ABCD3: variants seen among roughly 807,000 people sequenced by gnomAD.
The protein encoded by ABCD3 is ATP-binding cassette sub-family D member 3.
Under a neutral mutation model 105.5 loss-of-function variants are expected in ABCD3, and 41 were observed. The observed-to-expected ratio is 0.39, with a 90% CI of 0.30 to 0.50. ABCD3 has a LOEUF of 0.50. Among genes scored for constraint, ABCD3 ranks in the 20% least tolerant of loss-of-function variants. The probability of loss-of-function intolerance (pLI) is 0.84; values close to 1 mark genes in which losing one functional copy is unlikely to be tolerated. For missense variants in ABCD3, 622 were observed against 806.3 expected (o/e 0.77, Z 2.77); for synonymous variants, 258 against 269.0 (o/e 0.96, Z 0.40).
chr1:94,498,515 T>TTAA, intron 16 of ABCD3, 87 bp from the exon 17 acceptor site: 1 of 1,325,668 alleles, frequency 7.5e-7, no homozygotes, highest in Non-Finnish European at 1.1e-6. Flanking sequence ...CCAGGAGCTA[T>TTAA]TAATATTTGA....
intron 20 of ABCD3, among the ~76,000 whole-genome samples, chr1:94,500,737 A>G (rs1445771547): frequency 3.9e-5 from 6 of 152,164 alleles, no homozygotes; most frequent in African/African-American, 1.4e-4. Context: ...TCCCAAAATC[A>G]TACCCACTCT....
chr1:94,483,311 C>T (rs989149972), intron 10 of ABCD3, 72 bp downstream of exon 10: 22 of 1,116,718 alleles, frequency 2.0e-5, no homozygotes, highest in East Asian at 1.2e-4. Flanking sequence ...TGCCTATGGC[C>T]GACACACATA....
rs994035605 is a variant in ABCD3, at chr1:94,458,588, CTCTT to C, written c.111-17_111-14del. On this transcript the variant is annotated splice_polypyrimidine_tract_variant and intron_variant, in intron 1 of 22. Transcript: ENST00000370214. ...TTTCACATAAAGTAAAGCTCTCTCT[CTCTT>C]TTTTTCCTCTGCAGTAAGAAAAGTG... 6.2e-7 allele frequency: 1 copy of C among 1,608,760 alleles called. No homozygotes were observed. The highest frequency in any genetic ancestry group is 8.5e-7 in the Non-Finnish European group (1 of 1,175,438).
At chr1:94,487,002 A>C (rs1341224740) in intron 10 of ABCD3, among the ~76,000 whole-genome samples, 1 of 152,194 alleles carries the variant, frequency 6.6e-6, no homozygotes, top group Non-Finnish European at 1.5e-5. Flanking sequence ...TTGTAGTTTT[A>C]AGACAATGCG....
At chr1:94,468,499 A>G (rs1557675836) in intron 4 of ABCD3, among the ~76,000 whole-genome samples, 2 of 152,214 alleles carry the variant, frequency 1.3e-5, no homozygotes, top group African/African-American at 2.4e-5. Flanking sequence ...GTCTTTCTAC[A>G]TATTATTAAT....
intron 4 of ABCD3, among the ~76,000 whole-genome samples, chr1:94,468,401 C>T (rs976876519): frequency 6.6e-6 from 1 of 152,126 alleles, no homozygotes; most frequent in African/African-American, 2.4e-5. Context: ...CAAAGAATCA[C>T]GTTGAGCATG....
the ABCD3 span, among the ~76,000 whole-genome samples, chr1:94,393,061 G>A: frequency 2.7e-5 from 4 of 150,422 alleles, no homozygotes; most frequent in East Asian, 7.9e-4. Flanking sequence ...GCAGTGAGCC[G>A]AGATCACACC....
intron 1 of ABCD3, among the ~76,000 whole-genome samples, chr1:94,436,088 G>A (rs978359713): frequency 5.3e-5 from 8 of 152,122 alleles, no homozygotes; most frequent in Non-Finnish European, 7.4e-5. Context: ...AGAAGAGGTT[G>A]CTTCCTTTTA....
At chr1:94,504,564 G>A (rs532337254) in intron 20 of ABCD3, among the ~76,000 whole-genome samples, 4 of 152,326 alleles carry the variant, frequency 2.6e-5, no homozygotes, top group Non-Finnish European at 5.9e-5. Context: ...GCTCTAAGGT[G>A]TAAAGCACCT....
At chr1:94,516,335 G>A (rs1650921207) in intron 22 of ABCD3, among the ~76,000 whole-genome samples, 1 of 151,870 alleles carries the variant, frequency 6.6e-6, no homozygotes, top group African/African-American at 2.4e-5. Flanking sequence ...TTTAAAGATA[G>A]CTTTTATTAT....
At chr1:94,458,583 T>C in intron 1 of ABCD3, 24 bp from the exon 2 acceptor site, 2 of 1,605,684 alleles carry the variant, frequency 1.2e-6, no homozygotes, top group Non-Finnish European at 8.5e-7. Context: ...AGTAAAGCTC[T>C]CTCTCTCTTT....
intron 1 of ABCD3, among the ~76,000 whole-genome samples, chr1:94,446,749 A>G (rs1340290869): frequency 6.6e-6 from 1 of 152,202 alleles, no homozygotes; most frequent in Non-Finnish European, 1.5e-5. Flanking sequence ...CTGCGTGGCC[A>G]ATTCAACCTG....
Position 94,515,150 on chromosome 1 carries a change from G to A in ABCD3, c.1850G>A (p.Gly617Asp), listed in dbSNP as rs1403338199. Residue 617 changes from glycine to aspartate, a missense_variant, in exon 22 of 23, where the codon GGC (glycine) becomes GAC (aspartate). Around this residue, in one of 4 missense-constraint regions of ABCD3, gnomAD observed 285 missense variants for 352.5 expected, o/e 0.81. Coordinates refer to ENST00000370214, the MANE Select transcript of ABCD3 (RefSeq NM_002858.4). ...GYIYSHCRKV[G>D]ITLFTVSHRK... ...AAATCATTTTCTTTGTATTAGGTTG[G>A]CATCACTCTCTTCACTGTGTCTCAT... The A allele has an allele frequency of 6.2e-7, 1 of 1,608,506 alleles. No individual in the cohort carries two copies.
At chr1:94,434,193 T>C (rs1023210521) in intron 1 of ABCD3, among the ~76,000 whole-genome samples, 7 of 152,148 alleles carry the variant, frequency 4.6e-5, no homozygotes, top group African/African-American at 1.4e-4. Context: ...AATTTTTTAG[T>C]TTAAAAAAAA....
At chr1:94,457,339 A>T (rs1647626200) in intron 1 of ABCD3, among the ~76,000 whole-genome samples, 1 of 152,192 alleles carries the variant, frequency 6.6e-6, no homozygotes, top group South Asian at 2.1e-4. Flanking sequence ...CGTGCTTTTT[A>T]AAATAAGCGC....
At chr1:94,390,348 G>A in the ABCD3 span, among the ~76,000 whole-genome samples, 1 of 151,948 alleles carries the variant, frequency 6.6e-6, no homozygotes, top group Admixed American at 6.6e-5. Flanking sequence ...TGTCACCCAG[G>A]CTGGAGTATA....
chr1:94,419,352 C>T, intron 1 of ABCD3: 2 of 985,092 alleles, frequency 2.0e-6, no homozygotes, highest in Non-Finnish European at 2.4e-6. Context: ...TTTAATGACA[C>T]GCCACTGCTT....
chr1:94,438,880 C>T (rs1207870667), intron 1 of ABCD3, among the ~76,000 whole-genome samples: 1 of 152,122 alleles, frequency 6.6e-6, no homozygotes, highest in African/African-American at 2.4e-5. Flanking sequence ...GTTCACGTGA[C>T]CCACTTTATT....
rs75955040 is a variant in ABCD3 at position 94,436,109 on chromosome 1, G to A, written c.110+17521G>A. ...GGTTGCTTCCTTTTATTGGGAAATG[G>A]TATTTCAAGATCACAATTGGAATTT... On this transcript the variant is annotated intron_variant, in intron 1 of 22. Coordinates refer to ENST00000370214, the MANE Select transcript of ABCD3 (RefSeq NM_002858.4). Among the ~76,000 whole-genome samples, 903 of 152,260 alleles carry A rather than the reference G, an allele frequency of 5.9e-3. 4 individuals carry two copies. Among genetic ancestry groups the A allele is most frequent in the Non-Finnish European group, 9.4e-3 (639 of 68,002 alleles).
Sources: allele counts gnomAD v4.1 joint callset (sites outside exome capture counted in the v4.1 genomes callset), GRCh38; gene constraint gnomAD v4.1.1; regional missense constraint gnomAD v4.1.1; transcripts MANE v1.5; gene names NCBI Gene and HGNC (gene_info 2026-07-23, HGNC 2026-07-21).